Variants in ALPK3 observed in about 807,000 individuals in gnomAD.
ALPK3 encodes the protein alpha kinase 3.
ALPK3 carries 102 observed loss-of-function variants against 140.0 expected under a neutral mutation model. That is an observed-to-expected ratio of 0.73 (90% CI 0.62 to 0.86). The LOEUF (loss-of-function observed/expected upper bound fraction) is 0.86. ALPK3 is among the 40% of genes least tolerant of loss of function. The pLI, the probability that ALPK3 is intolerant of heterozygous loss-of-function variation, is 0.00. For synonymous variants in ALPK3, 938 were observed against 898.5 expected (o/e 1.04, Z -0.79); for missense variants, 2,254 against 2,208.2 (o/e 1.02, Z -0.42).
intron 4 of ALPK3, 83 bp from the exon 5 acceptor site, chr15:84,839,619 G>C: frequency 1.4e-6 from 2 of 1,467,580 alleles, no homozygotes; most frequent in Non-Finnish European, 1.8e-6. Flanking sequence ...AGTGTGCCCG[G>C]CTCTGAACGG....
At chr15:84,832,614 C>A (rs73437935) in intron 3 of ALPK3, among the ~76,000 whole-genome samples, 1 of 152,070 alleles carries the variant, frequency 6.6e-6, no homozygotes, top group Non-Finnish European at 1.5e-5. Flanking sequence ...GTTTACACAT[C>A]TCTCTCTCTC....
intron 5 of ALPK3, among the ~76,000 whole-genome samples, chr15:84,849,669 G>A (rs1963779493): frequency 6.6e-6 from 1 of 152,126 alleles, no homozygotes; most frequent in Non-Finnish European, 1.5e-5. Flanking sequence ...GGCCAAGGAA[G>A]AAGTCCTAAG....
In ALPK3 at chr15:84,862,749, G is replaced by A. The variant is rs1183431857; in HGVS notation, c.4244G>A (p.Gly1415Glu). ...RLVSEELRGG[G>E]YGCGLRKASQ... ...GTAAGCGAGGAGCTCCGAGGGGGTG[G>A]ATATGGGTGTGGCCTTCGGAAGGCC... The change falls in exon 10 of 14, where the codon GGA becomes GAA. Residue 1415 changes from glycine (G) to glutamate (E), a missense_variant. Around this residue, in one of 3 missense-constraint regions of ALPK3, gnomAD observed 2,088 missense variants for 2,022.9 expected, o/e 1.03. Transcript: ENST00000258888. 1.2e-6 allele frequency: 2 copies of A among 1,614,172 alleles called. No homozygotes were observed. Among genetic ancestry groups the A allele is most frequent in the East Asian group, 2.2e-5 (1 of 44,856 alleles).
Position 84,858,320 on chromosome 15 carries a change from G to T in ALPK3, c.3582G>T (p.Arg1194=). 1 of 1,563,524 alleles carries T rather than the reference G, an allele frequency of 6.4e-7. No individual in the cohort carries two copies. ...GGGAGAGCCCCACGGTTTCCCCCCGGGGGCCCAGGAAAAGCCTGGTGCCTG... is the reference window on the plus strand; with the variant it reads ...GGGAGAGCCCCACGGTTTCCCCCCGTGGGCCCAGGAAAAGCCTGGTGCCTG... The part of the protein sequence containing the change: ...EERESPTVSP[R]GPRKSLVPGS... Residue 1194 remains arginine, a synonymous_variant, in exon 6 of 14, where the codon CGG becomes CGT. Coordinates refer to ENST00000258888, the MANE Select transcript of ALPK3 (RefSeq NM_020778.5).
At chr15:84,860,908 A>C (rs1057085009) in intron 9 of ALPK3, among the ~76,000 whole-genome samples, 3 of 152,212 alleles carry the variant, frequency 2.0e-5, no homozygotes, top group Non-Finnish European at 2.9e-5. Flanking sequence ...TTTTTAGTAG[A>C]GATGGGTTTC....
chr15:84,829,168 T>C (rs1963519218), intron 3 of ALPK3, among the ~76,000 whole-genome samples: 2 of 152,260 alleles, frequency 1.3e-5, no homozygotes, highest in South Asian at 2.1e-4. Context: ...CTGGCATGTA[T>C]ACATTTCCAT....
chr15:84,858,146 G>T lies in ALPK3; in HGVS notation c.3408G>T (p.Glu1136Asp). 2 of 1,604,690 alleles carry T rather than the reference G, an allele frequency of 1.2e-6. No individual in the cohort carries two copies. The highest frequency in any genetic ancestry group is 2.2e-5 in the South Asian group (2 of 89,748). Residue 1136 changes from glutamate (E) to aspartate (D), a missense_variant, in exon 6 of 14, where the codon GAG becomes GAT. Around this residue, in one of 3 missense-constraint regions of ALPK3, gnomAD observed 2,088 missense variants for 2,022.9 expected, o/e 1.03. Coordinates refer to ENST00000258888, the MANE Select transcript of ALPK3 (RefSeq NM_020778.5). ...CCTCAGCAGAGAGCATAGCCCAGGA[G>T]CCCTCCCAAGAGGAGAAGTTCCCAG... ...QGPSAESIAQ[E>D]PSQEEKFPGE... is the part of the protein sequence containing the mutation.
intron 5 of ALPK3, among the ~76,000 whole-genome samples, chr15:84,846,045 G>A (rs561591465): frequency 6.6e-6 from 1 of 151,926 alleles, no homozygotes; most frequent in Admixed American, 6.6e-5. Flanking sequence ...TCCAGCCTGG[G>A]TGACAGAGTA....
intron 2 of ALPK3, among the ~76,000 whole-genome samples, chr15:84,824,269 G>T (rs955687856): frequency 1.3e-5 from 2 of 152,156 alleles, no homozygotes; most frequent in South Asian, 4.1e-4. Context: ...GCAGAGTCAG[G>T]GCAAGGTCTG....
chr15:84,829,524 G>T (rs994860591), intron 3 of ALPK3, among the ~76,000 whole-genome samples: 1 of 152,184 alleles, frequency 6.6e-6, no homozygotes, highest in Non-Finnish European at 1.5e-5. Flanking sequence ...TACCTAGGGC[G>T]ACTCCGTTTC....
intron 5 of ALPK3, among the ~76,000 whole-genome samples, chr15:84,847,223 GAGAGAGAGA>G (rs1567091395): frequency 6.7e-6 from 1 of 149,778 alleles, no homozygotes; most frequent in African/African-American, 2.5e-5. Flanking sequence ...GAGAGAGAGA[GAGAGAGAGA>G]GAGAGAGAGA....
At chr15:84,822,102 G>A (rs952381118) in intron 1 of ALPK3, among the ~76,000 whole-genome samples, 14 of 152,040 alleles carry the variant, frequency 9.2e-5, no homozygotes, top group African/African-American at 3.4e-4. Flanking sequence ...TTAGAGAAGT[G>A]GGTTATATGA....
Position 84,839,845 on chromosome 15 carries a change from C to T in ALPK3, c.566C>T (p.Ala189Val), listed in dbSNP as rs1391056130. 1.2e-6 allele frequency: 2 copies of T among 1,614,010 alleles called. No homozygotes were observed. Among genetic ancestry groups the T allele is most frequent in the African/African-American group, 2.7e-5 (2 of 74,944 alleles). ...QRWFAKLKRK[A>V]AAKLREIEQS... Reference sequence around the variant, plus strand: ...TGGTTCGCCAAGTTGAAGCGCAAGGCTGCGGCAAAGCTGCGCGAGATCGAG... The same window carrying T: ...TGGTTCGCCAAGTTGAAGCGCAAGGTTGCGGCAAAGCTGCGCGAGATCGAG... The change falls in exon 5 of 14, where the codon GCT becomes GTT. Residue 189 changes from alanine to valine, a missense_variant. This residue lies in a region of ALPK3 where 2,088 missense variants were observed against 2,022.9 expected (regional missense o/e 1.03). Coordinates refer to ENST00000258888, the MANE Select transcript of ALPK3 (RefSeq NM_020778.5).
chr15:84,836,398 GA>G (rs1162106591), intron 3 of ALPK3, among the ~76,000 whole-genome samples: 6 of 152,348 alleles, frequency 3.9e-5, no homozygotes, highest in Admixed American at 3.3e-4. Flanking sequence ...CAAGATCAGT[GA>G]GGAGGTTATT....
chr15:84,850,901 C>CAT lies in ALPK3; in HGVS notation c.1654-5490_1654-5489insTA, dbSNP rs1963795970. ...ATATACACACACACACACACACACACACACACACACACACCCTCTGTCATA... is the reference window on the plus strand; with the variant it reads ...ATATACACACACACACACACACACACATACACACACACACACCCTCTGTCATA... On this transcript the variant is annotated intron_variant, in intron 5 of 13. Transcript: ENST00000258888. 3.3e-5 allele frequency among the ~76,000 whole-genome samples: 5 copies of CAT among 151,994 alleles called. 1 individual carries two copies. Among genetic ancestry groups the CAT allele is most frequent in the African/African-American group, 1.2e-4 (5 of 41,434 alleles).
chr15:84,855,108 G>A (rs1329917769), intron 5 of ALPK3, among the ~76,000 whole-genome samples: 1 of 152,184 alleles, frequency 6.6e-6, no homozygotes, highest in African/African-American at 2.4e-5. Flanking sequence ...TCTGAGATCT[G>A]CCTCCATTCC....
Position 84,856,758 on chromosome 15 carries a change from A to G in ALPK3, c.2020A>G (p.Thr674Ala). 6.2e-7 allele frequency: 1 copy of G among 1,614,146 alleles called. No homozygotes were observed. Residue 674 changes from threonine (T) to alanine (A), a missense_variant, in exon 6 of 14, where the codon ACA becomes GCA. By Grantham distance (58) the Thr-to-Ala change is moderately conservative (BLOSUM62 0). This residue lies in a region of ALPK3 where 2,088 missense variants were observed against 2,022.9 expected (regional missense o/e 1.03). Transcript: ENST00000258888. ...QGRAETQLET[T>A]QAGEKIQEDR... The stretch of plus-strand genomic sequence containing the variant: ...AAGGGCAGAGACACAGCTAGAAACA[A>G]CACAGGCAGGTGAGAAGATACAGGA...
At position 84,826,476 on chromosome 15, in the gene ALPK3, G is replaced by A. The variant is rs569650100; in HGVS notation, c.183-1008G>A. 2.2e-4 allele frequency among the ~76,000 whole-genome samples: 33 copies of A among 152,294 alleles called. No homozygotes were observed. In the South Asian group the frequency reaches 6.2e-3, roughly 29 times the overall value. On this transcript the variant is annotated intron_variant, in intron 2 of 13. Coordinates refer to ENST00000258888, the MANE Select transcript of ALPK3 (RefSeq NM_020778.5). ...GATGTGTGCCTGGGGAGGGAGGGCCGGGCACGGCTTGTGCACCACACAACC... is the reference window on the plus strand; with the variant it reads ...GATGTGTGCCTGGGGAGGGAGGGCCAGGCACGGCTTGTGCACCACACAACC...
rs534522968 is a variant in ALPK3 at position 84,820,535 on chromosome 15, C to A, written c.144-2795C>A. ...TTGCTCTGACACCCAGGCTGGAGTG[C>A]AGTGGCGTGATCTCTGTTCACTGCA... On this transcript the variant is annotated intron_variant, in intron 1 of 13. Transcript: ENST00000258888. Among the ~76,000 whole-genome samples the A allele has an allele frequency of 5.3e-5, 8 of 152,134 alleles. No individual in the cohort carries two copies. In the South Asian group the frequency reaches 1.7e-3, roughly 32 times the overall value.
Sources: gnomAD v4.1 joint callset for allele counts (sites outside exome capture counted in the v4.1 genomes callset) on GRCh38, gnomAD v4.1.1 for gene constraint, gnomAD v4.1.1 regional missense constraint, MANE v1.5 for transcripts, NCBI Gene and HGNC (gene_info 2026-07-23, HGNC 2026-07-21) for gene names.